The following SLC8A3 variants were observed in gnomAD, a reference collection of about 807,000 sequenced individuals.
SLC8A3 encodes the protein solute carrier family 8 member A3, also known as sodium/calcium exchanger 3.
A neutral mutation model predicts 65.4 loss-of-function variants in SLC8A3; 37 were observed. The ratio of observed to expected loss-of-function variants is 0.57; its 90% CI spans 0.44 to 0.74. The LOEUF is 0.74. SLC8A3 is among the 30% of genes least tolerant of loss of function. The pLI, the probability that SLC8A3 is intolerant of heterozygous loss-of-function variation, is 0.00. For missense variants in SLC8A3, 1,112 were observed against 1,172.1 expected (o/e 0.95, Z 0.75); for synonymous variants, 461 against 444.5 (o/e 1.04, Z -0.47).
rs562291026 is a variant in SLC8A3 at position 70,048,758 on chromosome 14, C to G, written c.2389+9G>C. On this transcript the variant is annotated intron_variant, in intron 6 of 6. Transcript: ENST00000356921. ...CCTCTTTGCAAATTCAAGCACCTCT[C>G]ACTCTCACCTGGGACAGAGGTGCCA... 81 of 1,612,544 alleles carry G rather than the reference C, an allele frequency of 5.0e-5. 3 individuals carry two copies. In the South Asian group the frequency reaches 8.7e-4, roughly 17 times the overall value.
intron 2 of SLC8A3, among the ~76,000 whole-genome samples, chr14:70,115,214 C>T (rs896293766): frequency 6.6e-6 from 1 of 152,166 alleles, no homozygotes; most frequent in African/African-American, 2.4e-5. Flanking sequence ...CCCAGCGCAG[C>T]GCACTTGGCA....
intron 2 of SLC8A3, among the ~76,000 whole-genome samples, chr14:70,141,448 A>G (rs1895569124): frequency 6.6e-6 from 1 of 152,224 alleles, no homozygotes; most frequent in African/African-American, 2.4e-5. Context: ...GACTTGCTGA[A>G]GTGTATGTAG....
rs533068345 is a variant in SLC8A3 at position 70,083,809 on chromosome 14, G to A, written c.1785-22870C>T. Among the ~76,000 whole-genome samples, 11 of 152,328 alleles carry A rather than the reference G, an allele frequency of 7.2e-5. No homozygotes were observed. The South Asian group carries it at 2.1e-3, about 29-fold the overall frequency. Reference sequence around the variant, plus strand: ...GCTTAGGCTCATGTCTTCAGAAAATGAGGCCAGGGATCTTTTTAATACTCT... The same window carrying A: ...GCTTAGGCTCATGTCTTCAGAAAATAAGGCCAGGGATCTTTTTAATACTCT... On this transcript the variant is annotated intron_variant, in intron 2 of 6. Coordinates refer to ENST00000356921, the MANE Select transcript of SLC8A3 (RefSeq NM_182932.3).
intron 3 of SLC8A3, chr14:70,055,936 A>T: frequency 6.2e-6 from 5 of 802,078 alleles, no homozygotes; most frequent in Non-Finnish European, 1.0e-5. Context: ...AGAGCTTAGT[A>T]GGTGAGAGCT....
chr14:70,134,290 G>A (rs924825836), intron 2 of SLC8A3, among the ~76,000 whole-genome samples: 1 of 152,180 alleles, frequency 6.6e-6, no homozygotes, highest in Non-Finnish European at 1.5e-5. Context: ...CAAGGATTGA[G>A]CTTTCCAACA....
chr14:70,107,822 A>G (rs1319690880), intron 2 of SLC8A3, among the ~76,000 whole-genome samples: 2 of 152,114 alleles, frequency 1.3e-5, no homozygotes, highest in African/African-American at 4.8e-5. Flanking sequence ...GAAGCACCAC[A>G]GCAGATAAAT....
intron 3 of SLC8A3, among the ~76,000 whole-genome samples, chr14:70,057,545 C>A (rs1028194018): frequency 1.3e-5 from 2 of 152,160 alleles, no homozygotes; most frequent in Non-Finnish European, 1.5e-5. Context: ...AGAAGGCCTG[C>A]AGTTGGCTGG....
intron 2 of SLC8A3, among the ~76,000 whole-genome samples, chr14:70,144,384 CT>C (rs1365391826): frequency 7.5e-6 from 1 of 133,064 alleles, no homozygotes. Context: ...AATCCCAGCA[CT>C]TTGGAAGGCC....
intron 2 of SLC8A3, among the ~76,000 whole-genome samples, chr14:70,109,314 C>A (rs1262640979): frequency 6.8e-6 from 1 of 147,538 alleles, no homozygotes; most frequent in East Asian, 2.0e-4. Flanking sequence ...TATATATACA[C>A]ATTATATATA....
intron 2 of SLC8A3, among the ~76,000 whole-genome samples, chr14:70,070,815 G>A (rs537075767): frequency 4.6e-5 from 7 of 152,216 alleles, no homozygotes; most frequent in Non-Finnish European, 8.8e-5. Context: ...CCAGTGGTGA[G>A]CTAATAAACC....
chr14:70,145,752 C>G lies in SLC8A3; in HGVS notation c.1784+20887G>C, dbSNP rs111930180. Among the ~76,000 whole-genome samples, 665 of 152,252 alleles carry G rather than the reference C, an allele frequency of 4.4e-3. 7 individuals are homozygous for G. Among genetic ancestry groups the G allele is most frequent in the African/African-American group, 0.013 (541 of 41,532 alleles). On this transcript the variant is annotated intron_variant, in intron 2 of 6. Transcript: ENST00000356921. ...CTGCCCCAGAAAACCATCCCAACACCCTGTCCCCCAGCCCTACCTTTGGCC... is the reference window on the plus strand; with the variant it reads ...CTGCCCCAGAAAACCATCCCAACACGCTGTCCCCCAGCCCTACCTTTGGCC...
chr14:70,148,784 C>A (rs1165702452), intron 2 of SLC8A3, among the ~76,000 whole-genome samples: 1 of 152,192 alleles, frequency 6.6e-6, no homozygotes, highest in Non-Finnish European at 1.5e-5. Context: ...TAGGCCAGGG[C>A]TGATCAGTGA....
Position 70,051,119 on chromosome 14 carries a change from A to G in SLC8A3, c.2014-12T>C, listed in dbSNP as rs1887458918. 6.3e-7 allele frequency: 1 copy of G among 1,596,044 alleles called. No homozygotes were observed. Among genetic ancestry groups the G allele is most frequent in the Non-Finnish European group, 8.6e-7 (1 of 1,163,858 alleles). On this transcript the variant is annotated splice_polypyrimidine_tract_variant and intron_variant, in intron 4 of 6. Coordinates refer to ENST00000356921, the MANE Select transcript of SLC8A3 (RefSeq NM_182932.3). ...TTGTCCACCGTAGTCTGTTAAGAAG[A>G]GAAAAACTTGGAACCATGAGGTTAG...
chr14:70,051,675 T>G (rs1223540818), intron 4 of SLC8A3, among the ~76,000 whole-genome samples: 2 of 152,214 alleles, frequency 1.3e-5, no homozygotes, highest in African/African-American at 4.8e-5. Context: ...TAATATATCT[T>G]GCCCTGTAGT....
intron 2 of SLC8A3, among the ~76,000 whole-genome samples, chr14:70,122,972 T>C (rs539942836): frequency 1.3e-5 from 2 of 149,836 alleles, no homozygotes; most frequent in South Asian, 2.1e-4. Flanking sequence ...CTTGGGAGGC[T>C]GAGGCAGGAG....
rs142595825 is a variant in SLC8A3, at chr14:70,121,944, T to C, written c.1784+44695A>G. 4.8e-3 allele frequency among the ~76,000 whole-genome samples: 732 copies of C among 152,286 alleles called. 2 individuals carry two copies. Among genetic ancestry groups the C allele is most frequent in the African/African-American group, 0.017 (686 of 41,568 alleles). On this transcript the variant is annotated intron_variant, in intron 2 of 6. Coordinates refer to ENST00000356921, the MANE Select transcript of SLC8A3 (RefSeq NM_182932.3). ...GGACATCCTTTTTTCATAGCTCAGC[T>C]GGCAAGAAAAAGGGCCATGGCCCAA...
chr14:70,087,292 C>T (rs1310070322), intron 2 of SLC8A3, among the ~76,000 whole-genome samples: 3 of 152,170 alleles, frequency 2.0e-5, no homozygotes, highest in African/African-American at 4.8e-5. Flanking sequence ...AGACAGATGG[C>T]GCTCTGGAGG....
intron 2 of SLC8A3, among the ~76,000 whole-genome samples, chr14:70,157,973 C>T (rs571375557): frequency 6.6e-6 from 1 of 152,230 alleles, no homozygotes; most frequent in Admixed American, 6.5e-5. Context: ...AGACTGAAAG[C>T]AACCCAAGCA....
intron 2 of SLC8A3, among the ~76,000 whole-genome samples, chr14:70,080,925 G>T (rs948001371): frequency 2.0e-5 from 3 of 152,170 alleles, no homozygotes; most frequent in Non-Finnish European, 4.4e-5. Flanking sequence ...GACATAGATA[G>T]GTTGGCAACT....
Sources: gnomAD v4.1 joint callset for allele counts (sites outside exome capture counted in the v4.1 genomes callset) on GRCh38, gnomAD v4.1.1 for gene constraint, MANE v1.5 for transcripts, NCBI Gene and HGNC (gene_info 2026-07-23, HGNC 2026-07-21) for gene names.